Variants in RPAP3 observed in about 807,000 individuals in gnomAD.
The protein encoded by RPAP3 is RNA polymerase II associated protein 3, also known as RNA polymerase II-associated protein 3.
A neutral mutation model predicts 88.8 loss-of-function variants in RPAP3; 58 were observed. The observed-to-expected ratio is 0.65, with a 90% confidence interval of 0.53 to 0.81. The LOEUF is 0.81. Ranked by LOEUF, RPAP3 falls within the 40% of genes least tolerant of loss-of-function variation. RPAP3 has a pLI of 0.00. For missense variants in RPAP3, 751 were observed against 764.3 expected, an observed-to-expected ratio of 0.98 and a Z score of 0.20; for synonymous variants, 255 against 259.9, an observed-to-expected ratio of 0.98 and a Z score of 0.18.
chr12:47,667,652 G>A (rs7311790), intron 15 of RPAP3, 102 bp downstream of exon 15: 7,970 of 620,582 alleles, frequency 0.013, 461 homozygotes, highest in African/African-American at 0.12. Context: ...CAAGACTTAT[G>A]TTCCTATGTC....
chr12:47,692,931 G>A (rs573233015), intron 5 of RPAP3, among the ~76,000 whole-genome samples: 43 of 152,296 alleles, frequency 2.8e-4, no homozygotes, highest in African/African-American at 9.9e-4. Context: ...CCCGGCTGGA[G>A]TGCAGCGGCA....
chr12:47,701,583 C>G lies in RPAP3; in HGVS notation c.175G>C (p.Gly59Arg). 1 of 1,589,096 alleles carries G rather than the reference C, an allele frequency of 6.3e-7. No homozygotes were observed. The highest frequency in any genetic ancestry group is 8.5e-7 in the Non-Finnish European group (1 of 1,170,186). Residue 59 changes from glycine to arginine, a missense_variant, in exon 3 of 17, where the codon GGG becomes CGG. Coordinates refer to ENST00000005386, the MANE Select transcript of RPAP3 (RefSeq NM_024604.3). ...CCTTTCTTCTTTTTCCTAAAATTCC[C>G]ATTTCGAATAGGAGGTAAATTCTAA... ...PEENLPPIRNGNFRKKKKGKA... is the reference protein window; with the variant it reads ...PEENLPPIRNRNFRKKKKGKA...
At chr12:47,676,116 G>C (rs919417643) in intron 12 of RPAP3, among the ~76,000 whole-genome samples, 1 of 152,190 alleles carries the variant, frequency 6.6e-6, no homozygotes, top group African/African-American at 2.4e-5. Context: ...CAACTGCATG[G>C]AAATTGAACA....
At chr12:47,691,933 G>A (rs1235430616) in intron 5 of RPAP3, among the ~76,000 whole-genome samples, 2 of 152,074 alleles carry the variant, frequency 1.3e-5, no homozygotes, top group Non-Finnish European at 2.9e-5. Flanking sequence ...TTTTAGTAGA[G>A]ACAGGGTTTC....
At chr12:47,689,817 A>C (rs971962887) in intron 6 of RPAP3, among the ~76,000 whole-genome samples, 1 of 152,120 alleles carries the variant, frequency 6.6e-6, no homozygotes, top group Non-Finnish European at 1.5e-5. Flanking sequence ...CGAGGTGGGC[A>C]GATCACCTGA....
At chr12:47,671,253 G>T (rs1938990942) in intron 12 of RPAP3, among the ~76,000 whole-genome samples, 1 of 152,102 alleles carries the variant, frequency 6.6e-6, no homozygotes, top group Non-Finnish European at 1.5e-5. Context: ...ATTGAAAAAT[G>T]AAACAAGTTA....
intron 12 of RPAP3, among the ~76,000 whole-genome samples, chr12:47,678,082 A>G (rs1939151997): frequency 2.0e-5 from 3 of 152,214 alleles, no homozygotes; most frequent in Admixed American, 1.3e-4. Context: ...CAGAGGCCTC[A>G]GAAATAACAC....
chr12:47,671,124 CAACTT>C (rs1488125462), intron 12 of RPAP3, among the ~76,000 whole-genome samples: 8 of 152,180 alleles, frequency 5.3e-5, no homozygotes, highest in Non-Finnish European at 1.5e-5. Flanking sequence ...GTGTCATTTT[CAACTT>C]ATGTTGATAT....
chr12:47,679,690 A>G lies in RPAP3; in HGVS notation c.1185+14T>C. The G allele has an allele frequency of 6.3e-7, 1 of 1,585,296 alleles. No individual in the cohort carries two copies. The highest frequency in any genetic ancestry group is 8.6e-7 in the Non-Finnish European group (1 of 1,159,660). ...AGAAAATATGACCATGTTTGGGTGA[A>G]AAGAATACATTACCTTTTTAATTTT... On this transcript the variant is annotated intron_variant, in intron 11 of 16. Coordinates refer to ENST00000005386, the MANE Select transcript of RPAP3 (RefSeq NM_024604.3).
chr12:47,689,307 T>C, intron 6 of RPAP3, 112 bp from the exon 7 acceptor site: 1 of 534,348 alleles, frequency 1.9e-6, no homozygotes, highest in Non-Finnish European at 3.2e-6. Context: ...TACAGCAAAA[T>C]AAAGGAGAAA....
In RPAP3 at chr12:47,663,519, T is replaced by G; in HGVS notation, c.1984A>C (p.Arg662=). 2.5e-6 allele frequency: 4 copies of G among 1,589,254 alleles called. No individual in the cohort carries two copies. The highest frequency in any genetic ancestry group is 3.4e-6 in the Non-Finnish European group (4 of 1,167,700). Reference sequence around the variant, plus strand: ...AAAAATGGAAATCAACCACCGTATCTTTTCTTGAGTTCTTCGACAGAACTA... The same window carrying G: ...AAAAATGGAAATCAACCACCGTATCGTTTCTTGAGTTCTTCGACAGAACTA... The part of the protein sequence containing the change: ...KDSSVEELKK[R]YGG The change falls in exon 17 of 17, where the codon AGA becomes CGA. Residue 662 remains arginine, a synonymous_variant. Coordinates refer to ENST00000005386, the MANE Select transcript of RPAP3 (RefSeq NM_024604.3).
In RPAP3 at chr12:47,663,514, G is replaced by A. The variant is rs142369752; in HGVS notation, c.1989C>T (p.Tyr663=). The change falls in exon 17 of 17, where the codon TAC becomes TAT. Residue 663 remains tyrosine (Y), a synonymous_variant. Coordinates refer to ENST00000005386, the MANE Select transcript of RPAP3 (RefSeq NM_024604.3). Reference sequence around the variant, plus strand: ...TCAGCAAAAATGGAAATCAACCACCGTATCTTTTCTTGAGTTCTTCGACAG... The same window carrying A: ...TCAGCAAAAATGGAAATCAACCACCATATCTTTTCTTGAGTTCTTCGACAG... The part of the protein sequence containing the change: ...DSSVEELKKR[Y]GG 50 of 1,579,894 alleles carry A rather than the reference G, an allele frequency of 3.2e-5. No individual in the cohort carries two copies. The highest frequency in any genetic ancestry group is 2.0e-4 in the South Asian group (17 of 85,956).
intron 12 of RPAP3, 72 bp from the exon 13 acceptor site, chr12:47,670,417 G>A: frequency 1.2e-6 from 1 of 834,818 alleles, no homozygotes; most frequent in Non-Finnish European, 1.9e-6. Context: ...CAAGTTAAAA[G>A]GCTGCAATGA....
At chr12:47,663,930 ATT>A (rs959518922) in intron 16 of RPAP3, among the ~76,000 whole-genome samples, 8 of 151,000 alleles carry the variant, frequency 5.3e-5, no homozygotes, top group Non-Finnish European at 1.2e-4. Context: ...TTTACTTAAT[ATT>A]TTTATTTCAA....
At chr12:47,667,115 T>C in intron 15 of RPAP3, 35 bp from the exon 16 acceptor site, 1 of 953,518 alleles carries the variant, frequency 1.0e-6, no homozygotes, top group Non-Finnish European at 1.5e-6. Context: ...AAATGATCAG[T>C]TAAAAGCAGC....
chr12:47,697,615 A>G lies in RPAP3; in HGVS notation c.399T>C (p.Ala133=). The change falls in exon 4 of 17, where the codon GCT becomes GCC. Residue 133 remains alanine, a synonymous_variant. Coordinates refer to ENST00000005386, the MANE Select transcript of RPAP3 (RefSeq NM_024604.3). ...EDGIHVDSQK[A]LVLKEKGNKY... ...TTAGTACCTTTTCTTTTAAAACAAGAGCCTTTTGTGAATCTACATGAATCC... is the reference window on the plus strand; with the variant it reads ...TTAGTACCTTTTCTTTTAAAACAAGGGCCTTTTGTGAATCTACATGAATCC... 6.2e-7 allele frequency: 1 copy of G among 1,607,886 alleles called. No individual in the cohort carries two copies. Among genetic ancestry groups the G allele is most frequent in the Non-Finnish European group, 8.5e-7 (1 of 1,178,092 alleles).
intron 9 of RPAP3, among the ~76,000 whole-genome samples, chr12:47,684,119 ATCT>A (rs751472670): frequency 2.0e-5 from 3 of 152,170 alleles, no homozygotes; most frequent in African/African-American, 4.8e-5. Flanking sequence ...ATTTCTGATT[ATCT>A]TCTTATTTCT....
intron 1 of RPAP3, among the ~76,000 whole-genome samples, chr12:47,703,466 C>T (rs1227564672): frequency 3.9e-5 from 6 of 152,176 alleles, no homozygotes; most frequent in African/African-American, 1.2e-4. Flanking sequence ...ATTGTGACAA[C>T]GAAGAATCCC....
intron 12 of RPAP3, among the ~76,000 whole-genome samples, chr12:47,677,301 A>C (rs1939136306): frequency 6.6e-6 from 1 of 152,176 alleles, no homozygotes; most frequent in South Asian, 2.1e-4. Context: ...GAATGGGCAA[A>C]AACTGGAAGC....
Sources: gnomAD v4.1 joint callset for allele counts (sites outside exome capture counted in the v4.1 genomes callset) on GRCh38, gnomAD v4.1.1 for gene constraint, MANE v1.5 for transcripts, NCBI Gene and HGNC (gene_info 2026-07-23, HGNC 2026-07-21) for gene names.